The following INPP4B variants were observed in gnomAD, a reference collection of about 807,000 sequenced individuals.
The protein encoded by INPP4B is inositol polyphosphate-4-phosphatase type II B, also known as inositol polyphosphate 4-phosphatase type II.
Under a neutral mutation model 122.5 loss-of-function variants are expected in INPP4B, and 55 were observed. The ratio of observed to expected loss-of-function variants is 0.45; its 90% confidence interval spans 0.36 to 0.56. The LOEUF is 0.56. Among genes scored for constraint, INPP4B ranks in the 20% least tolerant of loss-of-function variants. The pLI is 0.00. For missense variants in INPP4B, 1,000 were observed against 1,097.7 expected (o/e 0.91, Z 1.26); for synonymous variants, 403 against 388.7 (o/e 1.04, Z -0.43).
chr4:142,102,460 CTTTTT>C (rs35404733), intron 23 of INPP4B, among the ~76,000 whole-genome samples: 4 of 99,684 alleles, frequency 4.0e-5, no homozygotes, highest in African/African-American at 1.4e-4. Flanking sequence ...TGAACAAAGT[CTTTTT>C]TTTTTTTTTT....
At chr4:142,567,897 G>T (rs1731982535) in intron 2 of INPP4B, among the ~76,000 whole-genome samples, 1 of 152,102 alleles carries the variant, frequency 6.6e-6, no homozygotes, top group Non-Finnish European at 1.5e-5. Flanking sequence ...TACTCTAGCT[G>T]CTTGCAATTA....
intron 7 of INPP4B, among the ~76,000 whole-genome samples, chr4:142,380,818 A>C (rs1793838203): frequency 6.6e-6 from 1 of 151,970 alleles, no homozygotes; most frequent in Non-Finnish European, 1.5e-5. Context: ...TACATTTTTC[A>C]TTATTAGTTT....
At position 142,233,310 on chromosome 4, in the gene INPP4B, T is replaced by C. The variant is rs537580293; in HGVS notation, c.836+4554A>G. 3.9e-5 allele frequency among the ~76,000 whole-genome samples: 6 copies of C among 152,274 alleles called. No homozygotes were observed. The East Asian group carries it at 1.2e-3, about 29-fold the overall frequency. On this transcript the variant is annotated intron_variant, in intron 12 of 25. Transcript: ENST00000262992. ...TTGTATCTGCTACTCATTGGTTTAC[T>C]GCTCTTCACCAAAAAAGTTACAATT... is the stretch of plus-strand genomic sequence containing the variant.
rs538423599 is a variant in INPP4B, at chr4:142,204,063, C to T, written c.1072+4362G>A. Among the ~76,000 whole-genome samples the T allele has an allele frequency of 2.4e-3, 358 of 152,098 alleles. 1 individual carries two copies. The highest frequency in any genetic ancestry group is 7.9e-3 in the African/African-American group (328 of 41,524). ...CACTACCACCTATGACAACTTTTAA[C>T]GTTTTCATTTTGCAAATAATAAAAT... On this transcript the variant is annotated intron_variant, in intron 14 of 25. Coordinates refer to ENST00000262992, the MANE Select transcript of INPP4B (RefSeq NM_001101669.3).
intron 2 of INPP4B, among the ~76,000 whole-genome samples, chr4:142,523,565 C>CTTAATCAG (rs1408538737): frequency 1.3e-5 from 2 of 152,110 alleles, no homozygotes; most frequent in Admixed American, 1.3e-4. Context: ...GGTTGTAACC[C>CTTAATCAG]TTAATCAGTC....
chr4:142,769,280 G>T (rs1772645171), intron 1 of INPP4B, among the ~76,000 whole-genome samples: 1 of 152,122 alleles, frequency 6.6e-6, no homozygotes, highest in South Asian at 2.1e-4. Flanking sequence ...CTCTGCAGCT[G>T]CTCTACTTGT....
chr4:142,420,387 A>T (rs1391092), intron 5 of INPP4B, among the ~76,000 whole-genome samples: 57,250 of 151,890 alleles, frequency 0.38, 11,143 homozygotes, highest in East Asian at 0.61. Flanking sequence ...GATGTATCAT[A>T]TCTCATATCT....
chr4:142,184,373 C>T (rs958819910), intron 15 of INPP4B, among the ~76,000 whole-genome samples: 2 of 152,122 alleles, frequency 1.3e-5, no homozygotes, highest in South Asian at 2.1e-4. Context: ...TAATGTTATA[C>T]CTGCCAAATA....
chr4:142,188,499 A>T (rs1020563962), intron 15 of INPP4B, among the ~76,000 whole-genome samples: 3 of 119,914 alleles, frequency 2.5e-5, no homozygotes, highest in African/African-American at 1.1e-4. Flanking sequence ...AAAAAAAAAA[A>T]AAAAAAAAAA....
chr4:142,567,984 G>T lies in INPP4B; in HGVS notation c.-190-105258C>A, dbSNP rs74862107. 9.6e-3 allele frequency among the ~76,000 whole-genome samples: 1,459 copies of T among 152,196 alleles called. 8 individuals are homozygous for T. The highest frequency in any genetic ancestry group is 0.027 in the Middle Eastern group (8 of 294). ...AATAGTTCATGAGATTTGTTAATAA[G>T]AGCTGAATGCTTTGGAACAGAGCAA... On this transcript the variant is annotated intron_variant, in intron 2 of 25. Coordinates refer to ENST00000262992, the MANE Select transcript of INPP4B (RefSeq NM_001101669.3).
At chr4:142,084,108 A>G (rs1039066424) in intron 24 of INPP4B, among the ~76,000 whole-genome samples, 4 of 152,084 alleles carry the variant, frequency 2.6e-5, no homozygotes, top group African/African-American at 7.2e-5. Context: ...AAAAAAACAA[A>G]TGACTTTATT....
intron 25 of INPP4B, among the ~76,000 whole-genome samples, chr4:142,055,647 A>AT (rs11386792): frequency 0.81 from 123,542 of 151,752 alleles, 52,428 homozygotes; most frequent in Non-Finnish European, 0.92. Context: ...AGTGTTTTAA[A>AT]AGCATTTGTT....
Position 142,575,063 on chromosome 4 carries a change from C to G in INPP4B, c.-190-112337G>C, listed in dbSNP as rs148629959. Reference sequence around the variant, plus strand: ...AGAGCACTGTGAATCCTTAAACTAGCTGAACTGATTTTCAATTCTTATAAG... The same window carrying G: ...AGAGCACTGTGAATCCTTAAACTAGGTGAACTGATTTTCAATTCTTATAAG... On this transcript the variant is annotated intron_variant, in intron 2 of 25. Transcript: ENST00000262992. Among the ~76,000 whole-genome samples the G allele has an allele frequency of 5.1e-3, 779 of 152,122 alleles. 4 individuals carry two copies. Among genetic ancestry groups the G allele is most frequent in the African/African-American group, 0.018 (737 of 41,530 alleles).
At chr4:142,050,412 AAAG>A (rs1292875656) in intron 25 of INPP4B, among the ~76,000 whole-genome samples, 5 of 152,052 alleles carry the variant, frequency 3.3e-5, no homozygotes, top group Admixed American at 3.3e-4. Flanking sequence ...ATTTCAATGA[AAAG>A]AATAATTAAA....
At chr4:142,543,100 G>A (rs936008767) in intron 2 of INPP4B, among the ~76,000 whole-genome samples, 7 of 152,126 alleles carry the variant, frequency 4.6e-5, no homozygotes, top group African/African-American at 1.4e-4. Flanking sequence ...TCAAAGTATT[G>A]ATGTATGTGC....
chr4:142,423,366 A>G (rs1807343262), intron 5 of INPP4B, among the ~76,000 whole-genome samples: 1 of 152,064 alleles, frequency 6.6e-6, no homozygotes, highest in Non-Finnish European at 1.5e-5. Flanking sequence ...GCACATTTCT[A>G]TACATTTTTA....
intron 2 of INPP4B, among the ~76,000 whole-genome samples, chr4:142,569,788 C>T (rs575479376): frequency 5.9e-5 from 9 of 152,054 alleles, no homozygotes; most frequent in East Asian, 1.9e-4. Flanking sequence ...AACAAAGGTC[C>T]GCATGAAAAA....
intron 23 of INPP4B, among the ~76,000 whole-genome samples, chr4:142,106,563 A>G (rs1385850042): frequency 6.6e-6 from 1 of 152,230 alleles, no homozygotes; most frequent in Non-Finnish European, 1.5e-5. Context: ...TTTGTATTTC[A>G]ACAGTACCTA....
At chr4:142,164,218 A>G (rs1376348983) in intron 16 of INPP4B, among the ~76,000 whole-genome samples, 2 of 151,886 alleles carry the variant, frequency 1.3e-5, no homozygotes, top group African/African-American at 4.8e-5. Flanking sequence ...TAGTTTTCTG[A>G]ATATTAATGG....
Sources: gnomAD v4.1 joint callset for allele counts (sites outside exome capture counted in the v4.1 genomes callset) on GRCh38, gnomAD v4.1.1 for gene constraint, MANE v1.5 for transcripts, NCBI Gene and HGNC (gene_info 2026-07-23, HGNC 2026-07-21) for gene names.